Variants in GALNT13 observed in about 807,000 individuals in gnomAD.
GALNT13 encodes polypeptide N-acetylgalactosaminyltransferase 13, also known as UDP-GalNAc:polypeptide N-acetylgalactosaminyltransferase 13.
GALNT13 carries 28 observed loss-of-function variants against 64.2 expected under a neutral mutation model. That is an observed-to-expected ratio of 0.44 (90% CI 0.32 to 0.60). The LOEUF is 0.60. Ranked by LOEUF, GALNT13 falls within the 20% of genes least tolerant of loss-of-function variation. The pLI is 0.05. For missense variants in GALNT13, 577 were observed against 669.8 expected, an observed-to-expected ratio of 0.86 and a Z score of 1.53; for synonymous variants, 214 against 224.6, an observed-to-expected ratio of 0.95 and a Z score of 0.42.
At chr2:153,657,019 G>A in the GALNT13 span, among the ~76,000 whole-genome samples, 1 of 152,126 alleles carries the variant, frequency 6.6e-6, no homozygotes, top group Non-Finnish European at 1.5e-5. Flanking sequence ...TGCTGATGAA[G>A]GAAATGGGGA....
intron 2 of GALNT13, among the ~76,000 whole-genome samples, chr2:153,930,296 CTGTT>C (rs1690428926): frequency 6.6e-6 from 1 of 151,920 alleles, no homozygotes; most frequent in Non-Finnish European, 1.5e-5. Flanking sequence ...TGAGGGTTGT[CTGTT>C]TGTTGTCTGC....
At chr2:153,277,920 TTTCTTTC>T in the GALNT13 span, among the ~76,000 whole-genome samples, 16 of 68,322 alleles carry the variant, frequency 2.3e-4, no homozygotes, top group African/African-American at 9.8e-4. Flanking sequence ...TTTGTTTTCT[TTTCTTTC>T]TTTTTTTTTT....
chr2:153,838,146 G>A, the GALNT13 span, among the ~76,000 whole-genome samples: 3 of 151,768 alleles, frequency 2.0e-5, no homozygotes, highest in Admixed American at 6.6e-5. Flanking sequence ...TATTTCGAAT[G>A]TTAAACACTG....
chr2:153,645,024 A>G, the GALNT13 span, among the ~76,000 whole-genome samples: 1 of 152,278 alleles, frequency 6.6e-6, no homozygotes, highest in South Asian at 2.1e-4. Context: ...TAAAATTCAT[A>G]TAAGAGAAAA....
At chr2:153,416,959 T>C in the GALNT13 span, among the ~76,000 whole-genome samples, 1 of 152,098 alleles carries the variant, frequency 6.6e-6, no homozygotes, top group African/African-American at 2.4e-5. Context: ...TCTGAGCATA[T>C]CGCATGGGAA....
the GALNT13 span, among the ~76,000 whole-genome samples, chr2:153,218,751 C>T: frequency 6.6e-6 from 1 of 152,192 alleles, no homozygotes; most frequent in African/African-American, 2.4e-5. Context: ...TTTTCTCTAG[C>T]CCACATTGAC....
the GALNT13 span, among the ~76,000 whole-genome samples, chr2:153,609,084 G>GTTTT: frequency 1.4e-5 from 2 of 142,764 alleles, no homozygotes; most frequent in African/African-American, 5.5e-5. Context: ...GACCAGCTAA[G>GTTTT]TTTTTTTGTT....
the GALNT13 span, among the ~76,000 whole-genome samples, chr2:153,593,529 A>C: frequency 6.6e-6 from 1 of 152,144 alleles, no homozygotes; most frequent in African/African-American, 2.4e-5. Context: ...AACAATCTTA[A>C]TAATCCTGTT....
At chr2:154,194,859 ATTT>A (rs5835502) in intron 4 of GALNT13, among the ~76,000 whole-genome samples, 1 of 142,556 alleles carries the variant, frequency 7.0e-6, no homozygotes, top group Non-Finnish European at 1.5e-5. Context: ...CTAGAGCTGT[ATTT>A]TTTTTTTTTT....
the GALNT13 span, among the ~76,000 whole-genome samples, chr2:153,252,295 T>C: frequency 1.0e-5 from 1 of 99,952 alleles, no homozygotes; most frequent in East Asian, 2.0e-4. Context: ...GTTCATGTCC[T>C]TCGCCCACTT....
the GALNT13 span, among the ~76,000 whole-genome samples, chr2:153,221,036 C>T: frequency 6.6e-6 from 1 of 152,112 alleles, no homozygotes; most frequent in Admixed American, 6.5e-5. Flanking sequence ...CTAATAAGTC[C>T]TCTGCTTAAT....
At chr2:153,419,615 A>T in the GALNT13 span, among the ~76,000 whole-genome samples, 1 of 152,188 alleles carries the variant, frequency 6.6e-6, no homozygotes, top group Non-Finnish European at 1.5e-5. Flanking sequence ...CTATTGTTAT[A>T]GTTACACAAA....
At chr2:153,761,926 A>G in the GALNT13 span, 1 of 181,278 alleles carries the variant, frequency 5.5e-6, no homozygotes, top group Admixed American at 5.3e-5. Flanking sequence ...CTCAATGATA[A>G]TATCTCCTGG....
At chr2:154,069,399 T>A (rs1700631888) in intron 3 of GALNT13, among the ~76,000 whole-genome samples, 1 of 151,904 alleles carries the variant, frequency 6.6e-6, no homozygotes, top group South Asian at 2.1e-4. Flanking sequence ...CTATTTATAA[T>A]AGCATAAAAT....
At chr2:154,111,486 G>C (rs965105555) in intron 3 of GALNT13, among the ~76,000 whole-genome samples, 3 of 152,190 alleles carry the variant, frequency 2.0e-5, no homozygotes, top group African/African-American at 7.2e-5. Flanking sequence ...GGTAGGAGGA[G>C]CCCAAAGTGT....
At chr2:153,905,325 G>A (rs188127965) in intron 2 of GALNT13, among the ~76,000 whole-genome samples, 1 of 151,920 alleles carries the variant, frequency 6.6e-6, no homozygotes, top group East Asian at 1.9e-4. Flanking sequence ...AAGATCCCCA[G>A]TGGATGCCTG....
At chr2:153,075,921 G>A in the GALNT13 span, among the ~76,000 whole-genome samples, 1 of 151,432 alleles carries the variant, frequency 6.6e-6, no homozygotes, top group Non-Finnish European at 1.5e-5. Context: ...ATGTAAACTG[G>A]GAATCACTAC....
the GALNT13 span, among the ~76,000 whole-genome samples, chr2:153,628,510 A>ATATAG: frequency 2.7e-5 from 4 of 150,926 alleles, no homozygotes; most frequent in African/African-American, 9.7e-5. Context: ...ATTATTTTGA[A>ATATAG]ATACGTCCCA....
intron 8 of GALNT13, among the ~76,000 whole-genome samples, chr2:154,294,938 C>G (rs1574036127): frequency 1.3e-5 from 2 of 152,144 alleles, no homozygotes; most frequent in South Asian, 4.1e-4. Flanking sequence ...GGGAGAAGGT[C>G]AGAATGGCCT....
Sources: gnomAD v4.1 joint callset for allele counts (sites outside exome capture counted in the v4.1 genomes callset) on GRCh38, gnomAD v4.1.1 for gene constraint, MANE v1.5 for transcripts, NCBI Gene and HGNC (gene_info 2026-07-23, HGNC 2026-07-21) for gene names.